MAP3K2: variants seen among roughly 807,000 people sequenced by gnomAD.
MAP3K2 encodes the protein mitogen-activated protein kinase kinase kinase 2.
Under a neutral mutation model 80.3 loss-of-function variants are expected in MAP3K2, and 24 were observed. That is an observed-to-expected ratio of 0.30 (90% confidence interval 0.22 to 0.42). The LOEUF is 0.42. Ranked by LOEUF, MAP3K2 falls within the 10% of genes least tolerant of loss-of-function variation. The pLI, the probability that MAP3K2 is intolerant of heterozygous loss-of-function variation, is 1.00. For synonymous variants in MAP3K2, 244 were observed against 253.7 expected (o/e 0.96, Z 0.36); for missense variants, 608 against 750.1 (o/e 0.81, Z 2.21).
At chr2:127,363,089 G>A (rs1455078209) in intron 1 of MAP3K2, among the ~76,000 whole-genome samples, 2 of 152,052 alleles carry the variant, frequency 1.3e-5, no homozygotes, top group African/African-American at 4.8e-5. Flanking sequence ...TAAAGTATAC[G>A]GAAGGATGTG....
At chr2:127,331,272 AACTT>A (rs1473118843) in intron 5 of MAP3K2, among the ~76,000 whole-genome samples, 14 of 152,338 alleles carry the variant, frequency 9.2e-5, no homozygotes, top group Admixed American at 2.6e-4. Context: ...TCAATTTAGT[AACTT>A]AAGAAGACTC....
At chr2:127,375,580 T>C (rs1453967042) in intron 1 of MAP3K2, among the ~76,000 whole-genome samples, 2 of 151,806 alleles carry the variant, frequency 1.3e-5, no homozygotes, top group Admixed American at 6.6e-5. Context: ...CAGCTAATTT[T>C]TGTATTTTTA....
intron 1 of MAP3K2, among the ~76,000 whole-genome samples, chr2:127,358,552 T>G (rs114628867): frequency 0.012 from 1,815 of 152,318 alleles, 35 homozygotes; most frequent in African/African-American, 0.042. Context: ...AGATAAAGTG[T>G]GGCATATCCA....
Position 127,387,927 on chromosome 2 carries a change from C to T in MAP3K2, c.-541G>A. The T allele has an allele frequency of 1.0e-6, 1 of 984,812 alleles. No individual in the cohort carries two copies. Among genetic ancestry groups the T allele is most frequent in the Non-Finnish European group, 1.2e-6 (1 of 829,704 alleles). The allele number at this position is 984,812 out of a possible 1,614,324, so 61.0% of individuals were successfully genotyped here. A position where few individuals can be genotyped will look rare whatever the true frequency, so the allele number is the denominator to read the frequency against. ...CGGCCGCGGCACCCTCGTCAGGCGC[C>T]GCCGCTGAGGGCAGGCAGCCCGGCA... On this transcript the variant is annotated 5_prime_UTR_variant, in exon 1 of 17. Transcript: ENST00000682094.
chr2:127,383,717 G>A (rs1687291015), intron 1 of MAP3K2, among the ~76,000 whole-genome samples: 1 of 152,102 alleles, frequency 6.6e-6, no homozygotes, highest in Admixed American at 6.5e-5. Flanking sequence ...AACATTTTGG[G>A]AGGCCAAAGT....
chr2:127,343,819 A>C (rs1573994555), intron 1 of MAP3K2, among the ~76,000 whole-genome samples: 1 of 152,148 alleles, frequency 6.6e-6, no homozygotes, highest in Non-Finnish European at 1.5e-5. Flanking sequence ...GGAGTTCGAG[A>C]CCAGCCTGTC....
intron 12 of MAP3K2, among the ~76,000 whole-genome samples, chr2:127,320,738 T>C (rs1193170305): frequency 6.6e-6 from 1 of 152,078 alleles, no homozygotes; most frequent in Non-Finnish European, 1.5e-5. Flanking sequence ...AGAAAGCATA[T>C]TACATATGGA....
At chr2:127,384,079 T>G (rs907250460) in intron 1 of MAP3K2, among the ~76,000 whole-genome samples, 6 of 151,776 alleles carry the variant, frequency 4.0e-5, no homozygotes, top group Admixed American at 3.3e-4. Context: ...GTATTTTTAG[T>G]AAAGACGGGG....
intron 1 of MAP3K2, among the ~76,000 whole-genome samples, chr2:127,348,116 T>G (rs1013867099): frequency 6.6e-6 from 1 of 152,134 alleles, no homozygotes; most frequent in Non-Finnish European, 1.5e-5. Flanking sequence ...TGTGGTGGCT[T>G]ACAGATTACA....
At chr2:127,361,440 T>G (rs1315483074) in intron 1 of MAP3K2, among the ~76,000 whole-genome samples, 9 of 152,044 alleles carry the variant, frequency 5.9e-5, no homozygotes, top group African/African-American at 1.9e-4. Context: ...CTTCCATAGA[T>G]GCAATAAATT....
chr2:127,331,925 GA>G (rs1201167971), intron 5 of MAP3K2, among the ~76,000 whole-genome samples: 1 of 152,154 alleles, frequency 6.6e-6, no homozygotes, highest in Non-Finnish European at 1.5e-5. Context: ...CTTGTTATAA[GA>G]AAGGCTGCCA....
chr2:127,308,244 AATT>A (rs1163819298), intron 16 of MAP3K2, among the ~76,000 whole-genome samples: 1 of 152,248 alleles, frequency 6.6e-6, no homozygotes, highest in Admixed American at 6.5e-5. Context: ...AGATTAAATG[AATT>A]ATAAGACACT....
intron 2 of MAP3K2, among the ~76,000 whole-genome samples, chr2:127,340,743 G>A (rs914276268): frequency 1.3e-5 from 2 of 151,146 alleles, no homozygotes; most frequent in Non-Finnish European, 2.9e-5. Flanking sequence ...TTTTTGTAGA[G>A]ATGGGGGTCT....
intron 1 of MAP3K2, among the ~76,000 whole-genome samples, chr2:127,378,869 CAATCCTCCCACCTCAGCCTTTTGAGT>C (rs1157287309): frequency 2.3e-4 from 35 of 152,146 alleles, no homozygotes; most frequent in Middle Eastern, 3.4e-3. Context: ...TGGGCTCAAG[CAATCCTCCCACCTCAGCCTTTTGAGT>C]AATCCTCCCA....
Position 127,302,380 on chromosome 2 carries a change from G to A in MAP3K2, c.*5199C>T, listed in dbSNP as rs1408116261. ...AGTTGTTCTTCCAAAACCAGAAACT[G>A]ACCTAATTGAACACTCATACCTTTC... is the stretch of plus-strand genomic sequence containing the variant. On this transcript the variant is annotated 3_prime_UTR_variant, in exon 17 of 17. Coordinates refer to ENST00000682094, the MANE Select transcript of MAP3K2 (RefSeq NM_001371910.2). 2 of 151,878 alleles carry A rather than the reference G, an allele frequency of 1.3e-5. No individual in the cohort carries two copies. Among genetic ancestry groups the A allele is most frequent in the African/African-American group, 2.4e-5 (1 of 41,332 alleles). 9.4% of individuals were successfully genotyped at this position (151,878 alleles called of 1,614,324 possible).
At chr2:127,343,384 C>G (rs1317576824) in intron 1 of MAP3K2, among the ~76,000 whole-genome samples, 190 bp from the exon 2 acceptor site, 2 of 151,990 alleles carry the variant, frequency 1.3e-5, no homozygotes, top group East Asian at 3.9e-4. Flanking sequence ...TAACACATAC[C>G]AAAATTCCAG....
chr2:127,337,927 G>T, intron 3 of MAP3K2, 149 bp from the exon 4 acceptor site: 1 of 525,296 alleles, frequency 1.9e-6, no homozygotes, highest in Non-Finnish European at 3.3e-6. Flanking sequence ...TTCTGTACCA[G>T]CTCCAAACAA....
At chr2:127,365,501 T>C (rs1686957623) in intron 1 of MAP3K2, among the ~76,000 whole-genome samples, 1 of 152,176 alleles carries the variant, frequency 6.6e-6, no homozygotes, top group South Asian at 2.1e-4. Context: ...CTGAAGAGTA[T>C]GGTTAGATAG....
chr2:127,361,242 G>A (rs997887961), intron 1 of MAP3K2, among the ~76,000 whole-genome samples: 2 of 150,766 alleles, frequency 1.3e-5, no homozygotes, highest in Middle Eastern at 3.4e-3. Context: ...GAACCCGGGA[G>A]GCAGAGGTTG....
Sources: gnomAD v4.1 joint callset for allele counts (sites outside exome capture counted in the v4.1 genomes callset) on GRCh38, gnomAD v4.1.1 for gene constraint, MANE v1.5 for transcripts, NCBI Gene and HGNC (gene_info 2026-07-23, HGNC 2026-07-21) for gene names.